SOX5: variants seen among roughly 807,000 people sequenced by gnomAD.
The protein encoded by SOX5 is SRY-box transcription factor 5, also known as transcription factor SOX-5.
SOX5 carries 9 observed loss-of-function variants against 92.0 expected under a neutral mutation model. The ratio of observed to expected loss-of-function variants is 0.10; its 90% confidence interval spans 0.06 to 0.17. SOX5 has a LOEUF of 0.17. Among genes scored for constraint, SOX5 ranks in the 10% least tolerant of loss-of-function variants. The probability of loss-of-function intolerance (pLI) is 1.00; values close to 1 mark genes in which losing one functional copy is unlikely to be tolerated. For missense variants in SOX5, 642 were observed against 944.5 expected (o/e 0.68, Z 4.20); for synonymous variants, 344 against 336.3 (o/e 1.02, Z -0.25).
intron 2 of SOX5, among the ~76,000 whole-genome samples, chr12:23,849,417 A>G (rs1195584814): frequency 6.6e-6 from 1 of 152,156 alleles, no homozygotes; most frequent in Non-Finnish European, 1.5e-5. Flanking sequence ...CCTGATTATA[A>G]TTTCCATTTC....
chr12:23,569,848 T>C (rs977451875), intron 10 of SOX5, among the ~76,000 whole-genome samples: 1 of 152,258 alleles, frequency 6.6e-6, no homozygotes, highest in African/African-American at 2.4e-5. Flanking sequence ...CAAAACCTTG[T>C]GAATGTTTTT....
intron 2 of SOX5, among the ~76,000 whole-genome samples, chr12:24,327,834 C>T (rs1333934470): frequency 2.0e-5 from 3 of 151,668 alleles, no homozygotes; most frequent in Admixed American, 6.6e-5. Context: ...CCTCGTGATC[C>T]GCCCGCCTCA....
intron 3 of SOX5, among the ~76,000 whole-genome samples, chr12:23,759,044 C>CAG (rs1555323189): frequency 6.6e-6 from 1 of 151,106 alleles, no homozygotes; most frequent in African/African-American, 2.4e-5. Context: ...CACACACACA[C>CAG]ACACACACAC....
At chr12:24,345,452 C>T (rs1953113650) in intron 2 of SOX5, among the ~76,000 whole-genome samples, 1 of 152,122 alleles carries the variant, frequency 6.6e-6, no homozygotes, top group Non-Finnish European at 1.5e-5. Flanking sequence ...CACTAGCTAT[C>T]CAAGAAGCAC....
intron 1 of SOX5, among the ~76,000 whole-genome samples, chr12:24,431,174 G>A (rs189220342): frequency 4.6e-5 from 7 of 152,236 alleles, no homozygotes; most frequent in Middle Eastern, 3.4e-3. Context: ...GAGGCTCAGC[G>A]AGATTAAGGA....
At chr12:24,304,005 A>C (rs997184858) in intron 2 of SOX5, among the ~76,000 whole-genome samples, 1 of 152,232 alleles carries the variant, frequency 6.6e-6, no homozygotes, top group Non-Finnish European at 1.5e-5. Flanking sequence ...GGTTCTTTCC[A>C]ATACTAATGG....
At chr12:24,441,044 T>C (rs552722601) in intron 1 of SOX5, among the ~76,000 whole-genome samples, 2 of 152,338 alleles carry the variant, frequency 1.3e-5, no homozygotes, top group South Asian at 4.1e-4. Flanking sequence ...GAATTCTTAT[T>C]GTAGGACTTT....
chr12:24,487,225 C>A (rs1449162883), intron 1 of SOX5, among the ~76,000 whole-genome samples: 2 of 152,196 alleles, frequency 1.3e-5, no homozygotes, highest in African/African-American at 4.8e-5. Context: ...TAGCTCCCTG[C>A]ACCCCACTAT....
At chr12:23,704,687 C>CATATATATATATATATATATATATATAT (rs376550773) in intron 6 of SOX5, among the ~76,000 whole-genome samples, 3 of 90,134 alleles carry the variant, frequency 3.3e-5, no homozygotes, top group Non-Finnish European at 6.8e-5. Context: ...TATATGCATG[C>CATATATATATATATATATATATATATAT]ATATATATAT....
At chr12:23,958,690 G>A (rs1392276213) in intron 4 of SOX5, among the ~76,000 whole-genome samples, 1 of 147,280 alleles carries the variant, frequency 6.8e-6, no homozygotes, top group Non-Finnish European at 1.5e-5. Flanking sequence ...AATTATAAAA[G>A]TGTTATTTTA....
intron 8 of SOX5, among the ~76,000 whole-genome samples, chr12:23,616,922 C>T (rs1440305403): frequency 6.6e-6 from 1 of 151,926 alleles, no homozygotes; most frequent in Non-Finnish European, 1.5e-5. Context: ...GAGTTTGAGA[C>T]GAGCCTGGGC....
intron 1 of SOX5, among the ~76,000 whole-genome samples, chr12:24,476,638 A>G (rs1945411414): frequency 6.6e-6 from 1 of 152,046 alleles, no homozygotes; most frequent in African/African-American, 2.4e-5. Context: ...CCCCCACGGC[A>G]CTCTCTGCTT....
At chr12:24,071,845 T>C (rs1941838961) in intron 4 of SOX5, among the ~76,000 whole-genome samples, 1 of 152,216 alleles carries the variant, frequency 6.6e-6, no homozygotes, top group South Asian at 2.1e-4. Context: ...GTAGATTATG[T>C]TTTGAAAATG....
intron 4 of SOX5, among the ~76,000 whole-genome samples, chr12:24,085,972 GT>G (rs1943946257): frequency 6.8e-6 from 1 of 146,476 alleles, no homozygotes; most frequent in South Asian, 2.2e-4. Context: ...AAAAAAAAAA[GT>G]ATTTGAAATT....
intron 2 of SOX5, among the ~76,000 whole-genome samples, chr12:24,317,780 T>C (rs573566944): frequency 6.6e-6 from 1 of 152,334 alleles, no homozygotes; most frequent in Admixed American, 6.5e-5. Flanking sequence ...TTTGTCATAA[T>C]TCATCACTTA....
intron 3 of SOX5, among the ~76,000 whole-genome samples, chr12:23,819,601 G>A (rs561170573): frequency 1.2e-4 from 18 of 151,890 alleles, no homozygotes; most frequent in African/African-American, 2.9e-4. Flanking sequence ...CCGACAGGCC[G>A]TGGTGTGTGA....
intron 11 of SOX5, among the ~76,000 whole-genome samples, chr12:23,560,318 T>C (rs1945986202): frequency 6.6e-6 from 1 of 152,212 alleles, no homozygotes; most frequent in Non-Finnish European, 1.5e-5. Context: ...TTTATGTCTT[T>C]CACTAAACTC....
At chr12:23,881,716 A>G (rs1041582356) in intron 2 of SOX5, among the ~76,000 whole-genome samples, 1 of 152,236 alleles carries the variant, frequency 6.6e-6, no homozygotes, top group Non-Finnish European at 1.5e-5. Flanking sequence ...TACCGGCATA[A>G]ATCTAGTAAT....
chr12:23,815,225 G>A (rs2095965571), intron 3 of SOX5, among the ~76,000 whole-genome samples: 1 of 152,098 alleles, frequency 6.6e-6, no homozygotes, highest in Non-Finnish European at 1.5e-5. Context: ...TATAAAGGAG[G>A]AGAAAATGAT....
Sources: gnomAD v4.1 joint callset for allele counts (sites outside exome capture counted in the v4.1 genomes callset) on GRCh38, gnomAD v4.1.1 for gene constraint, MANE v1.5 for transcripts, NCBI Gene and HGNC (gene_info 2026-07-23, HGNC 2026-07-21) for gene names.